The following CPXM2 variants were observed in gnomAD, a reference collection of about 807,000 sequenced individuals.
The protein encoded by CPXM2 is inactive carboxypeptidase-like protein X2.
A neutral mutation model predicts 86.1 loss-of-function variants in CPXM2; 66 were observed. The observed-to-expected ratio is 0.77, with a 90% confidence interval of 0.63 to 0.94. The LOEUF (loss-of-function observed/expected upper bound fraction) is 0.94, where lower values mean the gene tolerates loss of function less well. CPXM2 is among the 40% of genes least tolerant of loss of function. The pLI is 0.00. For synonymous variants in CPXM2, 388 were observed against 400.2 expected (o/e 0.97, Z 0.36); for missense variants, 948 against 1,026.3 (o/e 0.92, Z 1.04).
At chr10:123,840,740 A>G (rs993132899) in intron 4 of CPXM2, among the ~76,000 whole-genome samples, 31 of 150,250 alleles carry the variant, frequency 2.1e-4, no homozygotes, top group African/African-American at 7.3e-4. Context: ...TCTTTACAGT[A>G]AAAAAAAAAT....
intron 4 of CPXM2, 36 bp downstream of exon 4, chr10:123,842,313 A>T (rs1329022131): frequency 6.2e-7 from 1 of 1,612,150 alleles, no homozygotes. Flanking sequence ...TAGACCCAAA[A>T]CAGGGTCCAG....
chr10:123,933,150 G>A (rs1164922417), intron 2 of CPXM2, among the ~76,000 whole-genome samples: 1 of 152,176 alleles, frequency 6.6e-6, no homozygotes, highest in Non-Finnish European at 1.5e-5. Flanking sequence ...GCCTGGGTAG[G>A]GAATGGACAG....
chr10:123,876,009 G>T (rs1211163444), intron 2 of CPXM2, among the ~76,000 whole-genome samples: 2 of 151,634 alleles, frequency 1.3e-5, no homozygotes, highest in Non-Finnish European at 2.9e-5. Context: ...TAGAGACAAG[G>T]TTTCACCATG....
intron 12 of CPXM2, among the ~76,000 whole-genome samples, chr10:123,756,105 A>G (rs1313938111): frequency 6.6e-6 from 1 of 152,212 alleles, no homozygotes; most frequent in Non-Finnish European, 1.5e-5. Context: ...AAGTGCAGCC[A>G]AAAGTGCCAG....
intron 6 of CPXM2, 97 bp from the exon 7 acceptor site, chr10:123,780,352 C>T: frequency 1.2e-6 from 1 of 821,620 alleles, no homozygotes; most frequent in Admixed American, 1.9e-5. Flanking sequence ...ACAGTGCAGC[C>T]CAATCTCTAG....
chr10:123,915,993 A>G (rs1162142282), intron 2 of CPXM2, among the ~76,000 whole-genome samples: 1 of 152,158 alleles, frequency 6.6e-6, no homozygotes, highest in Non-Finnish European at 1.5e-5. Flanking sequence ...CCTCTGGGAA[A>G]ACAGTCACCA....
At chr10:123,861,186 G>C (rs113224851) in intron 3 of CPXM2, among the ~76,000 whole-genome samples, 1,798 of 152,306 alleles carry the variant, frequency 0.012, 26 homozygotes, top group African/African-American at 0.039. Context: ...GAAGCCATTA[G>C]CTTTGAGTGC....
At chr10:123,862,537 C>T (rs1301798388) in intron 3 of CPXM2, 77 bp downstream of exon 3, 1 of 1,247,464 alleles carries the variant, frequency 8.0e-7, no homozygotes, top group Non-Finnish European at 1.2e-6. Context: ...AAATCCTGCG[C>T]ATTGCCTGAT....
Position 123,757,202 on chromosome 10 carries a change from C to T in CPXM2, c.1917+11G>A, listed in dbSNP as rs1203238608. On this transcript the variant is annotated intron_variant, in intron 12 of 13. Transcript: ENST00000241305. The stretch of plus-strand genomic sequence containing the variant: ...AGTCCCCCTCATCCCAGCCACACAC[C>T]CGCAATATACCTGCTCCATGAACAC... 6.8e-6 allele frequency: 11 copies of T among 1,612,578 alleles called. No individual in the cohort carries two copies. In the East Asian group the frequency reaches 2.5e-4, roughly 36 times the overall value.
At chr10:123,857,031 T>C (rs554538524) in intron 3 of CPXM2, among the ~76,000 whole-genome samples, 2 of 152,038 alleles carry the variant, frequency 1.3e-5, no homozygotes, top group South Asian at 4.2e-4. Context: ...CACAAGTGAG[T>C]TAGTATAAAG....
At chr10:123,832,018 G>A (rs1318670684) in intron 4 of CPXM2, among the ~76,000 whole-genome samples, 1 of 151,282 alleles carries the variant, frequency 6.6e-6, no homozygotes, top group Non-Finnish European at 1.5e-5. Context: ...GCAGGGCAGT[G>A]GTGTGATTAT....
chr10:123,838,730 A>G (rs1217176811), intron 4 of CPXM2, among the ~76,000 whole-genome samples: 1 of 151,610 alleles, frequency 6.6e-6, no homozygotes, highest in East Asian at 1.9e-4. Context: ...TCTAATTCCA[A>G]CTCTGCCATG....
intron 6 of CPXM2, among the ~76,000 whole-genome samples, chr10:123,783,212 C>T (rs1467136795): frequency 6.6e-6 from 1 of 152,242 alleles, no homozygotes; most frequent in Non-Finnish European, 1.5e-5. Context: ...TGGCCCATGC[C>T]GCTGTTCTGC....
At chr10:123,766,739 A>G (rs1442909029) in intron 10 of CPXM2, among the ~76,000 whole-genome samples, 2 of 152,250 alleles carry the variant, frequency 1.3e-5, no homozygotes, top group Non-Finnish European at 2.9e-5. Context: ...TTGGGTTTTG[A>G]AGCTCCATGT....
chr10:123,911,415 C>T (rs1213597505), intron 2 of CPXM2, among the ~76,000 whole-genome samples: 2 of 152,034 alleles, frequency 1.3e-5, no homozygotes, highest in Non-Finnish European at 2.9e-5. Flanking sequence ...CTATCCCAGC[C>T]TTAGGGCATC....
At chr10:123,834,321 C>T (rs1848232231) in intron 4 of CPXM2, among the ~76,000 whole-genome samples, 1 of 152,232 alleles carries the variant, frequency 6.6e-6, no homozygotes, top group Non-Finnish European at 1.5e-5. Context: ...CAGAGACCTG[C>T]CCTGTGCAGG....
At position 123,761,928 on chromosome 10, in the gene CPXM2, T is replaced by C; in HGVS notation, c.1721A>G (p.Asp574Gly). 6.2e-7 allele frequency: 1 copy of C among 1,613,810 alleles called. No homozygotes were observed. The highest frequency in any genetic ancestry group is 1.7e-5 in the Admixed American group (1 of 59,986). ...DARRRVCHTE[D>G]FQKEEGTVNG... ...GACAGTGCCCTCCTCCTTCTGGAAG[T>C]CCTCCGTGTGGCACACCCTCCTCCG... The change falls in exon 11 of 14, where the codon GAC becomes GGC. Residue 574 changes from aspartate (D) to glycine (G), a missense_variant. Transcript: ENST00000241305.
At chr10:123,897,670 T>C (rs1281166829) in intron 2 of CPXM2, among the ~76,000 whole-genome samples, 1 of 152,184 alleles carries the variant, frequency 6.6e-6, no homozygotes, top group Non-Finnish European at 1.5e-5. Context: ...CTAAGTTCTT[T>C]AAATTTAGAA....
chr10:123,779,381 C>T (rs1410836431), intron 7 of CPXM2, among the ~76,000 whole-genome samples: 1 of 152,192 alleles, frequency 6.6e-6, no homozygotes, highest in Non-Finnish European at 1.5e-5. Flanking sequence ...CTGTCAAAAG[C>T]TCAGAACTAT....
Sources: allele counts gnomAD v4.1 joint callset (sites outside exome capture counted in the v4.1 genomes callset), GRCh38; gene constraint gnomAD v4.1.1; transcripts MANE v1.5; gene names NCBI Gene and HGNC (gene_info 2026-07-23, HGNC 2026-07-21).